The following HS3ST5 variants were observed in gnomAD, a reference collection of about 807,000 sequenced individuals.
The protein encoded by HS3ST5 is heparan sulfate-glucosamine 3-sulfotransferase 5.
A neutral mutation model predicts 25.4 loss-of-function variants in HS3ST5; 10 were observed. The observed-to-expected ratio is 0.39, with a 90% CI of 0.24 to 0.67. HS3ST5 has a LOEUF of 0.67. Among genes scored for constraint, HS3ST5 ranks in the 30% least tolerant of loss-of-function variants. HS3ST5 has a pLI of 0.44. For synonymous variants in HS3ST5, 170 were observed against 162.4 expected, an observed-to-expected ratio of 1.05 and a Z score of -0.36; for missense variants, 324 against 420.7, an observed-to-expected ratio of 0.77 and a Z score of 2.01.
chr6:114,307,640 G>T (rs1263226463), intron 1 of HS3ST5, among the ~76,000 whole-genome samples: 1 of 152,010 alleles, frequency 6.6e-6, no homozygotes, highest in African/African-American at 2.4e-5. Flanking sequence ...GTAAAGGTAA[G>T]GGGTGGAAAG....
intron 2 of HS3ST5, among the ~76,000 whole-genome samples, chr6:114,216,600 A>G (rs914920482): frequency 6.6e-6 from 1 of 152,166 alleles, no homozygotes; most frequent in Non-Finnish European, 1.5e-5. Context: ...AAAGTGAACT[A>G]GAGAATGAGC....
chr6:114,230,887 C>T (rs529575013), intron 1 of HS3ST5, among the ~76,000 whole-genome samples: 13 of 152,194 alleles, frequency 8.5e-5, no homozygotes, highest in Non-Finnish European at 1.0e-4. Context: ...CGCGCCCGGC[C>T]CCTAAGACGT....
chr6:114,106,392 G>T (rs191350853), intron 3 of HS3ST5, among the ~76,000 whole-genome samples: 120 of 152,064 alleles, frequency 7.9e-4, no homozygotes, highest in African/African-American at 2.7e-3. Context: ...AATGTTCCTT[G>T]ATTTGAATTG....
At chr6:114,225,361 G>C (rs1369132927) in intron 2 of HS3ST5, among the ~76,000 whole-genome samples, 1 of 151,846 alleles carries the variant, frequency 6.6e-6, no homozygotes, top group Non-Finnish European at 1.5e-5. Context: ...TCAAGTCATT[G>C]CATCTTCCCT....
chr6:114,235,122 C>CAACAA (rs1771794148), intron 1 of HS3ST5, among the ~76,000 whole-genome samples: 1 of 151,668 alleles, frequency 6.6e-6, no homozygotes, highest in African/African-American at 2.4e-5. Context: ...AGCTCTGTCT[C>CAACAA]AACAAAACAA....
chr6:114,063,674 G>T (rs1415458873), intron 3 of HS3ST5, among the ~76,000 whole-genome samples: 2 of 152,146 alleles, frequency 1.3e-5, no homozygotes, highest in African/African-American at 4.8e-5. Context: ...TTTTTGTTTT[G>T]TTTTAGTTGT....
chr6:114,278,033 G>GA (rs1458518374), intron 1 of HS3ST5, among the ~76,000 whole-genome samples: 1 of 151,942 alleles, frequency 6.6e-6, no homozygotes, highest in Non-Finnish European at 1.5e-5. Context: ...GATGGGCTTT[G>GA]AGGGGGCAGG....
At chr6:114,215,548 C>T (rs1018620313) in intron 2 of HS3ST5, among the ~76,000 whole-genome samples, 6 of 152,014 alleles carry the variant, frequency 3.9e-5, no homozygotes, top group Non-Finnish European at 7.4e-5. Flanking sequence ...TCCCACCCCT[C>T]CCCCAGGAAG....
chr6:114,152,134 G>A (rs1190284186), intron 3 of HS3ST5, among the ~76,000 whole-genome samples: 2 of 152,034 alleles, frequency 1.3e-5, no homozygotes, highest in Admixed American at 1.3e-4. Flanking sequence ...TTGTTAGCCA[G>A]GATGGTCTCG....
At chr6:114,234,827 G>T (rs191612020) in intron 1 of HS3ST5, among the ~76,000 whole-genome samples, 2 of 152,140 alleles carry the variant, frequency 1.3e-5, no homozygotes, top group East Asian at 3.9e-4. Flanking sequence ...TAAAATTATA[G>T]CACAAACCTT....
At chr6:114,227,728 T>C (rs186521557) in intron 2 of HS3ST5, among the ~76,000 whole-genome samples, 122 of 152,164 alleles carry the variant, frequency 8.0e-4, no homozygotes, top group African/African-American at 2.8e-3. Flanking sequence ...GACACAATCC[T>C]CAAAATTTAG....
chr6:114,282,043 T>G (rs954300800), intron 1 of HS3ST5: 1 of 151,940 alleles, frequency 6.6e-6, no homozygotes, highest in Non-Finnish European at 1.5e-5. Context: ...AAAGAAAGTA[T>G]ATACTGAAAT....
At chr6:114,227,424 C>G (rs1255605200) in intron 2 of HS3ST5, among the ~76,000 whole-genome samples, 1 of 151,614 alleles carries the variant, frequency 6.6e-6, no homozygotes, top group Admixed American at 6.6e-5. Flanking sequence ...TCTTATTGAA[C>G]CTTTAACATC....
At chr6:114,143,878 C>T (rs374370947) in intron 3 of HS3ST5, 3 of 152,566 alleles carry the variant, frequency 2.0e-5, no homozygotes, top group African/African-American at 7.2e-5. Context: ...AAAACCAACG[C>T]ATAGCCTCCG....
At chr6:114,306,256 T>TATGTACACAC (rs756494412) in intron 1 of HS3ST5, among the ~76,000 whole-genome samples, 20 of 115,420 alleles carry the variant, frequency 1.7e-4, no homozygotes, top group African/African-American at 6.0e-4. Context: ...TATATATATA[T>TATGTACACAC]ACACACACAC....
chr6:114,201,153 CA>C (rs775634959), intron 2 of HS3ST5, among the ~76,000 whole-genome samples: 144 of 152,258 alleles, frequency 9.5e-4, no homozygotes, highest in Non-Finnish European at 1.6e-3. Context: ...TTGATATGTC[CA>C]GTACTAAATT....
At chr6:114,074,121 A>G (rs778734162) in intron 3 of HS3ST5, among the ~76,000 whole-genome samples, 3 of 152,084 alleles carry the variant, frequency 2.0e-5, no homozygotes, top group Non-Finnish European at 4.4e-5. Context: ...AGGGAGGGGA[A>G]CATCACACAC....
chr6:114,133,553 G>A (rs1777452648), intron 3 of HS3ST5, among the ~76,000 whole-genome samples: 1 of 152,132 alleles, frequency 6.6e-6, no homozygotes, highest in African/African-American at 2.4e-5. Flanking sequence ...AAGAGGAGGG[G>A]ACTAGATGTC....
At chr6:114,239,383 T>C (rs1157631287) in intron 1 of HS3ST5, among the ~76,000 whole-genome samples, 2 of 152,130 alleles carry the variant, frequency 1.3e-5, no homozygotes, top group African/African-American at 2.4e-5. Flanking sequence ...GAGGGAGAGA[T>C]ACATTTTAAC....
Sources: gnomAD v4.1 joint callset for allele counts (sites outside exome capture counted in the v4.1 genomes callset) on GRCh38, gnomAD v4.1.1 for gene constraint, MANE v1.5 for transcripts, NCBI Gene and HGNC (gene_info 2026-07-23, HGNC 2026-07-21) for gene names.